ACTR3B: variants seen among roughly 807,000 people sequenced by gnomAD.
The protein encoded by ACTR3B is actin related protein 3B, also known as actin-related protein 3B.
In ACTR3B, 8 loss-of-function variants were observed where a neutral mutation model predicts 59.0. The observed-to-expected ratio is 0.14, with a 90% CI of 0.08 to 0.24. The LOEUF (loss-of-function observed/expected upper bound fraction) is 0.24, where lower values mean the gene tolerates loss of function less well. Among genes scored for constraint, ACTR3B ranks in the 10% least tolerant of loss-of-function variants. The pLI, the probability that ACTR3B is intolerant of heterozygous loss-of-function variation, is 1.00. For synonymous variants in ACTR3B, 148 were observed against 197.9 expected (o/e 0.75, Z 2.12); for missense variants, 245 against 552.3 (o/e 0.44, Z 5.58).
chr7:152,818,962 G>A (rs1485491099), intron 6 of ACTR3B, among the ~76,000 whole-genome samples: 2 of 152,098 alleles, frequency 1.3e-5, no homozygotes, highest in Non-Finnish European at 2.9e-5. Context: ...TTTTTCTGTT[G>A]TTGGACATGT....
chr7:152,848,627 A>C (rs1798553910), intron 9 of ACTR3B, among the ~76,000 whole-genome samples: 1 of 152,224 alleles, frequency 6.6e-6, no homozygotes, highest in African/African-American at 2.4e-5. Flanking sequence ...CAGCGTGGCC[A>C]ATCATGAGAG....
At chr7:152,831,422 A>G (rs1797019129) in intron 9 of ACTR3B, among the ~76,000 whole-genome samples, 1 of 151,884 alleles carries the variant, frequency 6.6e-6, no homozygotes, top group African/African-American at 2.4e-5. Context: ...GAGTGTGAGG[A>G]TCTGGGTCCG....
At chr7:152,774,363 C>T (rs188484415) in intron 1 of ACTR3B, among the ~76,000 whole-genome samples, 19 of 152,012 alleles carry the variant, frequency 1.2e-4, no homozygotes, top group African/African-American at 4.3e-4. Flanking sequence ...CTCGAACTCC[C>T]GACCTCAGGT....
chr7:152,765,415 CTT>C (rs761753992), intron 1 of ACTR3B, among the ~76,000 whole-genome samples: 13 of 128,734 alleles, frequency 1.0e-4, no homozygotes, highest in Non-Finnish European at 1.0e-4. Flanking sequence ...CTGCGCCTGG[CTT>C]TTTTTTTTTT....
At chr7:152,782,753 A>G (rs916135231) in intron 1 of ACTR3B, among the ~76,000 whole-genome samples, 1 of 151,658 alleles carries the variant, frequency 6.6e-6, no homozygotes. Context: ...ATTAGCCTGC[A>G]TATGTAGATG....
At chr7:152,773,118 C>T (rs2098128106) in intron 1 of ACTR3B, among the ~76,000 whole-genome samples, 1 of 148,286 alleles carries the variant, frequency 6.7e-6, no homozygotes, top group Non-Finnish European at 1.5e-5. Flanking sequence ...TAAAAGGAAA[C>T]AGGCAACAAC....
intron 1 of ACTR3B, among the ~76,000 whole-genome samples, chr7:152,764,700 A>G (rs2098102660): frequency 6.6e-6 from 1 of 151,712 alleles, no homozygotes; most frequent in Non-Finnish European, 1.5e-5. Flanking sequence ...TTTTTGCCTG[A>G]GTATCTGTGG....
At chr7:152,762,899 A>G (rs943461713) in intron 1 of ACTR3B, among the ~76,000 whole-genome samples, 2 of 152,256 alleles carry the variant, frequency 1.3e-5, no homozygotes, top group Non-Finnish European at 2.9e-5. Flanking sequence ...TTCTTAGTGC[A>G]TCCCATCGAA....
intron 2 of ACTR3B, among the ~76,000 whole-genome samples, chr7:152,797,927 G>T (rs1255495393): frequency 1.3e-5 from 2 of 151,762 alleles, no homozygotes; most frequent in African/African-American, 2.4e-5. Flanking sequence ...TTCTTTATCT[G>T]TTCACCCGTT....
At chr7:152,817,441 C>T (rs1267060910) in intron 6 of ACTR3B, among the ~76,000 whole-genome samples, 1 of 152,000 alleles carries the variant, frequency 6.6e-6, no homozygotes, top group Non-Finnish European at 1.5e-5. Flanking sequence ...TTGCAGAAGG[C>T]TCTGCAATGC....
intron 1 of ACTR3B, among the ~76,000 whole-genome samples, chr7:152,776,688 C>A (rs1467195355): frequency 6.6e-6 from 1 of 152,282 alleles, no homozygotes; most frequent in Non-Finnish European, 1.5e-5. Flanking sequence ...ACATTTAACA[C>A]TGAGGTAGGG....
chr7:152,852,272 C>T (rs758166655), intron 10 of ACTR3B, 21 bp downstream of exon 10: 11 of 1,600,240 alleles, frequency 6.9e-6, no homozygotes, highest in South Asian at 6.7e-5. Context: ...GAGGCCTCCA[C>T]GCAGTGCCTG....
intron 3 of ACTR3B, among the ~76,000 whole-genome samples, chr7:152,801,219 A>G (rs564305639): frequency 6.6e-6 from 1 of 152,374 alleles, no homozygotes; most frequent in Admixed American, 6.5e-5. Flanking sequence ...AGGTGGGACT[A>G]CAGGCACGCA....
intron 2 of ACTR3B, among the ~76,000 whole-genome samples, chr7:152,787,104 C>A (rs919917766): frequency 6.6e-6 from 1 of 152,118 alleles, no homozygotes; most frequent in Non-Finnish European, 1.5e-5. Flanking sequence ...TTAGGTATTG[C>A]CACGTTACTC....
At chr7:152,850,947 C>T (rs139150363) in intron 9 of ACTR3B, among the ~76,000 whole-genome samples, 65 of 152,274 alleles carry the variant, frequency 4.3e-4, no homozygotes, top group African/African-American at 1.5e-3. Flanking sequence ...GGCTTTTTGA[C>T]TCCTTGAAGG....
At chr7:152,835,055 G>T (rs1368472583) in intron 9 of ACTR3B, among the ~76,000 whole-genome samples, 7 of 147,034 alleles carry the variant, frequency 4.8e-5, no homozygotes, top group Non-Finnish European at 9.0e-5. Context: ...TGAATTAAGT[G>T]TTTTTTTTTT....
At chr7:152,792,844 T>A (rs1235091541) in intron 2 of ACTR3B, among the ~76,000 whole-genome samples, 2 of 152,138 alleles carry the variant, frequency 1.3e-5, no homozygotes, top group Non-Finnish European at 2.9e-5. Flanking sequence ...GGTGTGCTGT[T>A]GACAAATTGT....
At position 152,820,742 on chromosome 7, in the gene ACTR3B, G is replaced by A. The variant is rs867246040; in HGVS notation, c.684+300G>A. Among the ~76,000 whole-genome samples, 4 of 144,334 alleles carry A rather than the reference G, an allele frequency of 2.8e-5. No homozygotes were observed. The East Asian group carries it at 8.2e-4, about 30-fold the overall frequency. 94.7% of individuals were successfully genotyped at this position (144,334 alleles called of 152,430 possible). On this transcript the variant is annotated intron_variant, in intron 7 of 11. Transcript: ENST00000256001. ...ACTGCTGGAGCCTCATCTACCAGAG[G>A]GCTCCTTCCATACTGCCTCCATGCT... is the stretch of plus-strand genomic sequence containing the variant.
chr7:152,763,313 CAAAAAAAA>C (rs925259822), intron 1 of ACTR3B, among the ~76,000 whole-genome samples: 4 of 20,506 alleles, frequency 2.0e-4, no homozygotes, highest in Non-Finnish European at 4.1e-4. Flanking sequence ...GACTCCATCT[CAAAAAAAA>C]AAAAAAAAAA....
Sources: allele counts gnomAD v4.1 joint callset (sites outside exome capture counted in the v4.1 genomes callset), GRCh38; gene constraint gnomAD v4.1.1; transcripts MANE v1.5; gene names NCBI Gene and HGNC (gene_info 2026-07-23, HGNC 2026-07-21).